CCDC83: variants seen among roughly 807,000 people sequenced by gnomAD.
CCDC83 encodes coiled-coil domain-containing protein 83.
In CCDC83, 54 loss-of-function variants were observed where a neutral mutation model predicts 50.1. That is an observed-to-expected ratio of 1.08 (90% CI 0.87 to 1.35). The LOEUF is 1.35. Among genes scored for constraint, CCDC83 ranks in the 40% most tolerant of loss-of-function variants. The pLI is 0.00. For synonymous variants in CCDC83, 161 were observed against 153.3 expected, an observed-to-expected ratio of 1.05 and a Z score of -0.37; for missense variants, 518 against 473.9, an observed-to-expected ratio of 1.09 and a Z score of -0.86.
At chr11:85,890,547 C>A (rs867131762) in intron 5 of CCDC83, among the ~76,000 whole-genome samples, 4 of 152,084 alleles carry the variant, frequency 2.6e-5, no homozygotes, top group African/African-American at 9.7e-5. Context: ...AGATGAAATC[C>A]CATTTGAAAT....
chr11:85,902,022 CAAAGAAAGAAA>C (rs907569394), intron 7 of CCDC83, among the ~76,000 whole-genome samples: 11 of 146,152 alleles, frequency 7.5e-5, no homozygotes, highest in African/African-American at 1.8e-4. Flanking sequence ...CAGACTGTCT[CAAAGAAAGAAA>C]AAAGAAAGAA....
chr11:85,874,743 A>T (rs1208035472), intron 3 of CCDC83, among the ~76,000 whole-genome samples: 2 of 152,222 alleles, frequency 1.3e-5, no homozygotes, highest in Non-Finnish European at 2.9e-5. Flanking sequence ...AAAAGTTATT[A>T]ATGACTAATT....
rs749118114 is a variant in CCDC83, at chr11:85,895,265, T to C, written c.512-28T>C. The C allele has an allele frequency of 3.7e-4, 9 of 24,246 alleles. No homozygotes were observed. The South Asian group carries it at 0.013, about 34-fold the overall frequency. 1.5% of individuals were successfully genotyped at this position (24,246 alleles called of 1,614,324 possible). On this transcript the variant is annotated intron_variant, in intron 5 of 10. Transcript: ENST00000342404. ...ATGCTTGATAAGGCTTTTAATTTTCTTTTTTTTTTTTTTTTTTTTTTTTAA... is the reference window on the plus strand; with the variant it reads ...ATGCTTGATAAGGCTTTTAATTTTCCTTTTTTTTTTTTTTTTTTTTTTTAA...
At chr11:85,863,705 T>C (rs758442434) in intron 1 of CCDC83, among the ~76,000 whole-genome samples, 1 of 152,200 alleles carries the variant, frequency 6.6e-6, no homozygotes, top group African/African-American at 2.4e-5. Flanking sequence ...TCTATGTGGA[T>C]TGCCAATTCA....
intron 10 of CCDC83, among the ~76,000 whole-genome samples, chr11:85,919,013 T>C (rs2093496023): frequency 6.6e-6 from 1 of 152,232 alleles, no homozygotes; most frequent in African/African-American, 2.4e-5. Flanking sequence ...CATGTTTTTA[T>C]TTTCCTTTCA....
intron 2 of CCDC83, among the ~76,000 whole-genome samples, chr11:85,868,727 G>A (rs537371680): frequency 6.6e-6 from 1 of 152,284 alleles, no homozygotes; most frequent in South Asian, 2.1e-4. Flanking sequence ...GACCAGGCTG[G>A]TCTCAAACTC....
chr11:85,876,451 T>A (rs962340058), intron 3 of CCDC83, among the ~76,000 whole-genome samples: 1 of 151,924 alleles, frequency 6.6e-6, no homozygotes, highest in Admixed American at 6.6e-5. Flanking sequence ...CTGGGGAAAG[T>A]AAGGTGAATA....
At chr11:85,857,278 T>C (rs955404305) in intron 1 of CCDC83, among the ~76,000 whole-genome samples, 39 of 152,150 alleles carry the variant, frequency 2.6e-4, no homozygotes, top group African/African-American at 8.2e-4. Flanking sequence ...GCCATCCTCA[T>C]TGAGACCCTC....
chr11:85,899,410 A>G (rs1382061395), intron 7 of CCDC83, among the ~76,000 whole-genome samples: 1 of 152,168 alleles, frequency 6.6e-6, no homozygotes, highest in Admixed American at 6.5e-5. Flanking sequence ...TGTACCACTG[A>G]CATTTGAACC....
chr11:85,910,600 C>A (rs1247013028), intron 7 of CCDC83, among the ~76,000 whole-genome samples: 2 of 152,156 alleles, frequency 1.3e-5, no homozygotes, highest in Non-Finnish European at 2.9e-5. Flanking sequence ...TACTAATATG[C>A]CCTATTGCTA....
intron 1 of CCDC83, among the ~76,000 whole-genome samples, chr11:85,857,994 G>A (rs556269402): frequency 1.6e-4 from 24 of 152,314 alleles, no homozygotes; most frequent in African/African-American, 5.8e-4. Flanking sequence ...CTTTGACATG[G>A]AGATTGATGT....
chr11:85,902,316 A>AT (rs1010821504), intron 7 of CCDC83, among the ~76,000 whole-genome samples: 2 of 152,170 alleles, frequency 1.3e-5, no homozygotes, highest in Non-Finnish European at 2.9e-5. Context: ...AAATAAAGCT[A>AT]TTTTCAGAAA....
At chr11:85,886,118 A>G (rs1393739801) in intron 4 of CCDC83, 82 bp from the exon 5 acceptor site, 5 of 1,086,432 alleles carry the variant, frequency 4.6e-6, no homozygotes. Context: ...TTAATATCAG[A>G]TCTTAACTTC....
chr11:85,872,485 A>T (rs1264955463), intron 2 of CCDC83, among the ~76,000 whole-genome samples: 1 of 151,912 alleles, frequency 6.6e-6, no homozygotes, highest in Non-Finnish European at 1.5e-5. Context: ...ATTCCATCTC[A>T]AAACAACAAC....
At chr11:85,902,602 T>C (rs947851280) in intron 7 of CCDC83, among the ~76,000 whole-genome samples, 3 of 152,056 alleles carry the variant, frequency 2.0e-5, no homozygotes, top group African/African-American at 7.2e-5. Flanking sequence ...ATTGACCGCA[T>C]CTTCCCTTTT....
intron 1 of CCDC83, among the ~76,000 whole-genome samples, chr11:85,860,224 C>G (rs1292201308): frequency 6.6e-6 from 1 of 151,452 alleles, no homozygotes; most frequent in Non-Finnish European, 1.5e-5. Flanking sequence ...ATCACTTGAA[C>G]CCTGGAGGCA....
At chr11:85,885,168 C>T (rs930838977) in intron 4 of CCDC83, among the ~76,000 whole-genome samples, 3 of 151,746 alleles carry the variant, frequency 2.0e-5, no homozygotes, top group East Asian at 1.9e-4. Context: ...GAGCCGAGAT[C>T]GCGCCACTGC....
At chr11:85,859,754 G>T (rs1348821844) in intron 1 of CCDC83, among the ~76,000 whole-genome samples, 1 of 152,122 alleles carries the variant, frequency 6.6e-6, no homozygotes, top group African/African-American at 2.4e-5. Context: ...TCTGGACATT[G>T]GCCTTGGCAA....
rs545962738 is a variant in CCDC83 at position 85,906,065 on chromosome 11, A to G, written c.673-5216A>G. On this transcript the variant is annotated intron_variant, in intron 7 of 10. Transcript: ENST00000342404. ...ATGATCCTAATCAAATAACTTAACA[A>G]TTCTCTCTTTTTTTTTTTGAGACGG... is the stretch of plus-strand genomic sequence containing the variant. Among the ~76,000 whole-genome samples, 4 of 151,446 alleles carry G rather than the reference A, an allele frequency of 2.6e-5. No homozygotes were observed. In the East Asian group the frequency reaches 7.8e-4, roughly 29 times the overall value.
Sources: allele counts gnomAD v4.1 joint callset (sites outside exome capture counted in the v4.1 genomes callset), GRCh38; gene constraint gnomAD v4.1.1; transcripts MANE v1.5; gene names NCBI Gene and HGNC (gene_info 2026-07-23, HGNC 2026-07-21).